The following SHANK2 variants were observed in gnomAD, a reference collection of about 807,000 sequenced individuals.
SHANK2 encodes SH3 and multiple ankyrin repeat domains protein 2.
A neutral mutation model predicts 133.7 loss-of-function variants in SHANK2; 43 were observed. The ratio of observed to expected loss-of-function variants is 0.32; its 90% CI spans 0.25 to 0.41. SHANK2 has a LOEUF of 0.41. Ranked by LOEUF, SHANK2 falls within the 10% of genes least tolerant of loss-of-function variation. The pLI is 1.00. For missense variants in SHANK2, 1,994 were observed against 2,235.8 expected (o/e 0.89, Z 2.18); for synonymous variants, 1,017 against 952.8 (o/e 1.07, Z -1.24).
intron 2 of SHANK2, among the ~76,000 whole-genome samples, chr11:71,173,494 C>A (rs1422694057): frequency 1.3e-5 from 2 of 152,364 alleles, no homozygotes; most frequent in South Asian, 2.1e-4. Context: ...CTGTTTTGAA[C>A]CCTCTTCTTT....
chr11:70,769,062 G>A (rs1407661146), intron 14 of SHANK2, among the ~76,000 whole-genome samples: 2 of 152,168 alleles, frequency 1.3e-5, no homozygotes, highest in Non-Finnish European at 2.9e-5. Context: ...TTCCCCAGGT[G>A]TAATTCGCTG....
chr11:70,922,938 A>C (rs901708686), intron 10 of SHANK2, among the ~76,000 whole-genome samples: 2 of 152,188 alleles, frequency 1.3e-5, no homozygotes, highest in South Asian at 4.1e-4. Context: ...ACCCATAAGC[A>C]AAGTTGAAAG....
At chr11:71,171,119 T>C (rs1555112091) in intron 2 of SHANK2, among the ~76,000 whole-genome samples, 2 of 152,200 alleles carry the variant, frequency 1.3e-5, no homozygotes, top group South Asian at 2.1e-4. Flanking sequence ...GTGAGACTTC[T>C]GTTTTCTCTT....
chr11:70,582,639 T>G (rs2060198850), intron 17 of SHANK2, among the ~76,000 whole-genome samples: 1 of 152,128 alleles, frequency 6.6e-6, no homozygotes, highest in Non-Finnish European at 1.5e-5. Flanking sequence ...GGGCACCCAG[T>G]CGGGTGTGGG....
chr11:70,551,820 G>A (rs1167169240), intron 17 of SHANK2, among the ~76,000 whole-genome samples: 2 of 152,176 alleles, frequency 1.3e-5, no homozygotes, highest in African/African-American at 2.4e-5. Flanking sequence ...TGAAACTCCC[G>A]CAGGCCTGGA....
intron 10 of SHANK2, among the ~76,000 whole-genome samples, chr11:70,940,235 T>TTCTC (rs1302405319): frequency 1.1e-4 from 5 of 45,388 alleles, no homozygotes; most frequent in East Asian, 1.4e-3. Context: ...CCCTCCCTTC[T>TTCTC]TCTCTCTCTC....
At chr11:71,056,289 G>A (rs1021739644) in intron 10 of SHANK2, among the ~76,000 whole-genome samples, 192 bp downstream of exon 10, 49 of 152,326 alleles carry the variant, frequency 3.2e-4, no homozygotes, top group African/African-American at 1.2e-3. Context: ...GCCAGTGTGA[G>A]CAAGCACACT....
intron 15 of SHANK2, among the ~76,000 whole-genome samples, chr11:70,670,892 C>T (rs1383539575): frequency 6.6e-5 from 10 of 152,202 alleles, no homozygotes; most frequent in Admixed American, 6.5e-4. Flanking sequence ...CGTCGCTTCA[C>T]GTGGCATCAG....
intron 17 of SHANK2, among the ~76,000 whole-genome samples, chr11:70,655,924 G>T (rs934564498): frequency 6.6e-6 from 1 of 152,252 alleles, no homozygotes; most frequent in South Asian, 2.1e-4. Flanking sequence ...GATTCAGGGC[G>T]TGTGGGCTGG....
At chr11:70,606,389 A>G (rs1041169138) in intron 17 of SHANK2, among the ~76,000 whole-genome samples, 1 of 151,802 alleles carries the variant, frequency 6.6e-6, no homozygotes, top group Admixed American at 6.6e-5. Context: ...CCATCTCTAC[A>G]AAAAATAAAA....
intron 14 of SHANK2, among the ~76,000 whole-genome samples, chr11:70,762,943 G>A (rs1475769859): frequency 1.3e-5 from 2 of 152,168 alleles, no homozygotes; most frequent in Non-Finnish European, 2.9e-5. Flanking sequence ...GCCAGGCCAC[G>A]TGATGGGAGC....
At chr11:70,640,580 A>G (rs1490618570) in intron 17 of SHANK2, among the ~76,000 whole-genome samples, 1 of 152,244 alleles carries the variant, frequency 6.6e-6, no homozygotes, top group Non-Finnish European at 1.5e-5. Flanking sequence ...TATGCTTCAG[A>G]GAGGACTGCA....
chr11:70,656,928 C>T (rs1555011777), intron 17 of SHANK2, among the ~76,000 whole-genome samples: 3 of 152,150 alleles, frequency 2.0e-5, no homozygotes, highest in African/African-American at 7.2e-5. Flanking sequence ...AAGTCATGCA[C>T]AGCAGGAAAT....
In SHANK2 at chr11:71,078,172, TAA is replaced by T. The variant is rs1269738710; in HGVS notation, c.913-2899_913-2898del. ...GTTGTGCCAGAAATAAAGGAAATGG[TAA>T]AAAAAAAAAAAAAATCAATGGGGCT... is the stretch of plus-strand genomic sequence containing the variant. On this transcript the variant is annotated intron_variant, in intron 8 of 25. Transcript: ENST00000601538. Among the ~76,000 whole-genome samples, 765 of 142,138 alleles carry T rather than the reference TAA, an allele frequency of 5.4e-3. 7 individuals carry two copies. Among genetic ancestry groups the T allele is most frequent in the African/African-American group, 0.018 (678 of 38,370 alleles). 93.2% of individuals were successfully genotyped at this position (142,138 alleles called of 152,430 possible). A position where few individuals can be genotyped will look rare whatever the true frequency, so the allele number is the denominator to read the frequency against.
intron 17 of SHANK2, among the ~76,000 whole-genome samples, chr11:70,564,593 G>GC (rs1395476413): frequency 2.0e-5 from 3 of 150,886 alleles, no homozygotes; most frequent in African/African-American, 7.3e-5. Context: ...CCCTACAATC[G>GC]CCCCCTCTTC....
At chr11:70,894,447 A>G (rs1949901943) in intron 11 of SHANK2, among the ~76,000 whole-genome samples, 1 of 152,160 alleles carries the variant, frequency 6.6e-6, no homozygotes, top group Admixed American at 6.5e-5. Context: ...TTGGCCTCCC[A>G]AAGTGCTAGG....
At chr11:70,841,549 G>T (rs555330081) in intron 11 of SHANK2, among the ~76,000 whole-genome samples, 4 of 152,254 alleles carry the variant, frequency 2.6e-5, no homozygotes, top group Admixed American at 1.3e-4. Context: ...TGCTGAGAGT[G>T]AAACTCAAGC....
intron 11 of SHANK2, among the ~76,000 whole-genome samples, chr11:70,832,624 C>T (rs1555058893): frequency 6.6e-6 from 1 of 152,182 alleles, no homozygotes; most frequent in East Asian, 1.9e-4. Context: ...CTGAGTGTTC[C>T]AGAGCACTTT....
intron 2 of SHANK2, among the ~76,000 whole-genome samples, chr11:71,213,302 T>C (rs942947886): frequency 6.6e-6 from 1 of 152,130 alleles, no homozygotes; most frequent in African/African-American, 2.4e-5. Flanking sequence ...AACTGTCTGG[T>C]ATTTTGTGAG....
Sources: allele counts gnomAD v4.1 joint callset (sites outside exome capture counted in the v4.1 genomes callset), GRCh38; gene constraint gnomAD v4.1.1; transcripts MANE v1.5; gene names NCBI Gene and HGNC (gene_info 2026-07-23, HGNC 2026-07-21).